Variants in RBFOX3 observed in about 807,000 individuals in gnomAD.
RBFOX3 encodes the protein RNA binding protein fox-1 homolog 3.
RBFOX3 carries 17 observed loss-of-function variants against 48.7 expected under a neutral mutation model. That is an observed-to-expected ratio of 0.35 (90% CI 0.24 to 0.52). The LOEUF is 0.52. Ranked by LOEUF, RBFOX3 falls within the 20% of genes least tolerant of loss-of-function variation. The probability of loss-of-function intolerance (pLI) is 0.94; values close to 1 mark genes in which losing one functional copy is unlikely to be tolerated. For synonymous variants in RBFOX3, 212 were observed against 209.5 expected (o/e 1.01, Z -0.10); for missense variants, 382 against 497.5 (o/e 0.77, Z 2.21).
At chr17:79,248,956 C>A (rs1237624308) in intron 3 of RBFOX3, among the ~76,000 whole-genome samples, 1 of 152,206 alleles carries the variant, frequency 6.6e-6, no homozygotes. Flanking sequence ...TGTGGGAGGG[C>A]CCCCGCCTGC....
chr17:79,629,935 C>T, the RBFOX3 span, among the ~76,000 whole-genome samples: 73,948 of 152,202 alleles, frequency 0.49, 21,185 homozygotes, highest in Non-Finnish European at 0.64. Flanking sequence ...TGGAAGGACA[C>T]ACTCCTGGGC....
chr17:79,160,676 A>AT (rs954148679), intron 4 of RBFOX3, among the ~76,000 whole-genome samples: 1 of 151,416 alleles, frequency 6.6e-6, no homozygotes, highest in Non-Finnish European at 1.5e-5. Context: ...TCATTCATTC[A>AT]TTTTTTTCTT....
chr17:79,340,359 G>A (rs565083471), intron 2 of RBFOX3, among the ~76,000 whole-genome samples: 1 of 151,956 alleles, frequency 6.6e-6, no homozygotes, highest in African/African-American at 2.4e-5. Flanking sequence ...TATGTTGGGA[G>A]CCAGGCTGCC....
intron 3 of RBFOX3, among the ~76,000 whole-genome samples, chr17:79,255,268 T>C (rs993430707): frequency 4.7e-5 from 7 of 149,320 alleles, no homozygotes; most frequent in African/African-American, 1.7e-4. Context: ...GGGTGTGGCA[T>C]GAGGAGGAGC....
intron 4 of RBFOX3, among the ~76,000 whole-genome samples, chr17:79,143,581 G>A (rs1025072243): frequency 6.6e-5 from 10 of 152,150 alleles, no homozygotes; most frequent in South Asian, 2.1e-4. Context: ...CACCAGAATC[G>A]GGGTTCTCCC....
chr17:79,526,060 C>T (rs1482487274), intron 1 of RBFOX3, among the ~76,000 whole-genome samples: 6 of 152,214 alleles, frequency 3.9e-5, no homozygotes, highest in Non-Finnish European at 7.3e-5. Context: ...CACCCAGCCA[C>T]AGTGCAGGAG....
intron 4 of RBFOX3, among the ~76,000 whole-genome samples, chr17:79,200,811 A>T (rs530304593): frequency 1.1e-4 from 16 of 152,218 alleles, no homozygotes; most frequent in African/African-American, 3.6e-4. Flanking sequence ...GGTCCCCCCT[A>T]CCTGATGTAG....
At chr17:79,146,462 C>T (rs116206947) in intron 4 of RBFOX3, among the ~76,000 whole-genome samples, 224 of 152,346 alleles carry the variant, frequency 1.5e-3, no homozygotes, top group African/African-American at 5.2e-3. Flanking sequence ...GACTTGAACT[C>T]AAGACCTGGG....
At chr17:79,638,320 T>A in the RBFOX3 span, among the ~76,000 whole-genome samples, 1,521 of 37,416 alleles carry the variant, frequency 0.041, 26 homozygotes, top group African/African-American at 0.097. Flanking sequence ...TTTTTTTTTT[T>A]AAATAAAATA....
chr17:79,312,198 A>C (rs527253675), intron 2 of RBFOX3, among the ~76,000 whole-genome samples: 1 of 152,086 alleles, frequency 6.6e-6, no homozygotes, highest in African/African-American at 2.4e-5. Flanking sequence ...GGAATTAGGC[A>C]CACCAGGAGA....
At chr17:79,486,506 C>T (rs2079627380) in intron 1 of RBFOX3, among the ~76,000 whole-genome samples, 1 of 152,184 alleles carries the variant, frequency 6.6e-6, no homozygotes, top group Admixed American at 6.5e-5. Flanking sequence ...TCTGAGATCC[C>T]ATCCTGTCCC....
At chr17:79,620,133 GCA>G in the RBFOX3 span, among the ~76,000 whole-genome samples, 1,605 of 130,298 alleles carry the variant, frequency 0.012, 9 homozygotes, top group Non-Finnish European at 0.019. Flanking sequence ...ATACACACAT[GCA>G]CACGCGCACA....
At chr17:79,505,760 G>A (rs1292939987) in intron 1 of RBFOX3, among the ~76,000 whole-genome samples, 1 of 152,176 alleles carries the variant, frequency 6.6e-6, no homozygotes, top group Non-Finnish European at 1.5e-5. Flanking sequence ...CACACCGCAC[G>A]CCTCTAAGGG....
intron 3 of RBFOX3, among the ~76,000 whole-genome samples, chr17:79,247,887 T>G (rs1173685768): frequency 1.3e-5 from 2 of 151,846 alleles, no homozygotes; most frequent in Non-Finnish European, 2.9e-5. Flanking sequence ...AAAGCGGGGG[T>G]GACAGTAGGA....
the RBFOX3 span, among the ~76,000 whole-genome samples, chr17:79,633,519 C>G: frequency 6.6e-6 from 1 of 152,194 alleles, no homozygotes; most frequent in East Asian, 1.9e-4. Flanking sequence ...CACCTCCTCA[C>G]TGCCTGATCA....
chr17:79,143,502 G>T (rs767684108), intron 4 of RBFOX3, among the ~76,000 whole-genome samples: 16 of 152,116 alleles, frequency 1.1e-4, no homozygotes, highest in Non-Finnish European at 8.8e-5. Flanking sequence ...CACCCACAGC[G>T]TGGGGGTCTC....
At chr17:79,582,524 C>T (rs918151155) in intron 1 of RBFOX3, among the ~76,000 whole-genome samples, 3 of 152,192 alleles carry the variant, frequency 2.0e-5, no homozygotes, top group Admixed American at 6.5e-5. Context: ...CAATTCCAAC[C>T]GGGTGCGGTG....
chr17:79,191,540 G>T lies in RBFOX3; in HGVS notation c.-34+44226C>A, dbSNP rs562186057. 2.6e-5 allele frequency among the ~76,000 whole-genome samples: 4 copies of T among 152,332 alleles called. No individual in the cohort carries two copies. In the South Asian group the frequency reaches 8.3e-4, roughly 32 times the overall value. On this transcript the variant is annotated intron_variant, in intron 4 of 14. Transcript: ENST00000693108. Reference sequence around the variant, plus strand: ...CACAAAGGCCCGGAGAGGCATTACTGTCCTGGCAGAGTGCGTGGCCCTGGG... The same window carrying T: ...CACAAAGGCCCGGAGAGGCATTACTTTCCTGGCAGAGTGCGTGGCCCTGGG...
intron 1 of RBFOX3, chr17:79,601,262 A>C (rs1392591938): frequency 1.3e-5 from 2 of 152,162 alleles, no homozygotes; most frequent in African/African-American, 4.8e-5. Flanking sequence ...GCTGCGGGGG[A>C]TACTGATTCT....
Sources: gnomAD v4.1 joint callset for allele counts (sites outside exome capture counted in the v4.1 genomes callset) on GRCh38, gnomAD v4.1.1 for gene constraint, MANE v1.5 for transcripts, NCBI Gene and HGNC (gene_info 2026-07-23, HGNC 2026-07-21) for gene names.